Variants in KCNIP4 observed in about 807,000 individuals in gnomAD.
The protein encoded by KCNIP4 is potassium voltage-gated channel interacting protein 4, also known as Kv channel-interacting protein 4.
Under a neutral mutation model 34.0 loss-of-function variants are expected in KCNIP4, and 12 were observed. The ratio of observed to expected loss-of-function variants is 0.35; its 90% CI spans 0.23 to 0.57. KCNIP4 has a LOEUF of 0.57. Ranked by LOEUF, KCNIP4 falls within the 20% of genes least tolerant of loss-of-function variation. The pLI is 0.83. For synonymous variants in KCNIP4, 124 were observed against 102.2 expected, an observed-to-expected ratio of 1.21 and a Z score of -1.29; for missense variants, 238 against 311.7, an observed-to-expected ratio of 0.76 and a Z score of 1.78.
At chr4:21,840,520 C>T (rs895068612) in intron 1 of KCNIP4, among the ~76,000 whole-genome samples, 4 of 152,118 alleles carry the variant, frequency 2.6e-5, no homozygotes, top group Non-Finnish European at 5.9e-5. Flanking sequence ...AGATGGTGCA[C>T]ATCTGTGTTT....
chr4:20,945,531 A>G (rs946325358), intron 1 of KCNIP4, among the ~76,000 whole-genome samples: 1 of 152,210 alleles, frequency 6.6e-6, no homozygotes, highest in Non-Finnish European at 1.5e-5. Flanking sequence ...ATGCAAACAA[A>G]TATGTCTACT....
intron 3 of KCNIP4, among the ~76,000 whole-genome samples, chr4:20,802,111 G>T (rs1350426079): frequency 8.3e-6 from 1 of 120,964 alleles, no homozygotes; most frequent in African/African-American, 3.9e-5. Context: ...ATATATATAT[G>T]CTATATATAT....
At chr4:21,373,429 G>A (rs953786562) in intron 1 of KCNIP4, among the ~76,000 whole-genome samples, 1 of 147,538 alleles carries the variant, frequency 6.8e-6, no homozygotes, top group South Asian at 2.1e-4. Context: ...CAACTAAAAA[G>A]GTCTGAGAGA....
chr4:21,059,139 T>A (rs753503524), intron 1 of KCNIP4, among the ~76,000 whole-genome samples: 97 of 152,270 alleles, frequency 6.4e-4, no homozygotes, highest in Middle Eastern at 3.4e-3. Flanking sequence ...CTTTTCTTTA[T>A]AAATTACCTA....
chr4:21,504,475 A>AAAAGAAAGAAAGAAAGAAAGAAAG (rs71191514), intron 1 of KCNIP4, among the ~76,000 whole-genome samples: 4 of 101,880 alleles, frequency 3.9e-5, no homozygotes, highest in African/African-American at 1.6e-4. Flanking sequence ...CAAAAAAAAA[A>AAAAGAAAGAAAGAAAGAAAGAAAG]AAAGAAAGAA....
At chr4:21,944,324 A>T (rs1730370985) in intron 1 of KCNIP4, among the ~76,000 whole-genome samples, 1 of 151,994 alleles carries the variant, frequency 6.6e-6, no homozygotes, top group African/African-American at 2.4e-5. Context: ...CAGGAGGATC[A>T]CTTGAGGTCA....
chr4:20,875,165 C>T (rs564270629), intron 2 of KCNIP4, among the ~76,000 whole-genome samples: 17 of 151,668 alleles, frequency 1.1e-4, no homozygotes, highest in South Asian at 2.1e-4. Flanking sequence ...CTGTGTATGA[C>T]GGTCCCATGT....
chr4:21,934,986 C>T (rs1482466658), intron 1 of KCNIP4, among the ~76,000 whole-genome samples: 1 of 152,112 alleles, frequency 6.6e-6, no homozygotes, highest in Admixed American at 6.5e-5. Context: ...AACACACACA[C>T]AATTTCTTTC....
chr4:21,031,522 T>C (rs768098952), intron 1 of KCNIP4, among the ~76,000 whole-genome samples: 2 of 152,210 alleles, frequency 1.3e-5, no homozygotes, highest in Admixed American at 6.5e-5. Flanking sequence ...AATGCTGTTA[T>C]ACTGTGACAT....
chr4:20,886,292 G>A lies in KCNIP4; in HGVS notation c.62-3583C>T, dbSNP rs143884745. 2.5e-4 allele frequency among the ~76,000 whole-genome samples: 38 copies of A among 152,304 alleles called. No individual in the cohort carries two copies. The East Asian group carries it at 6.4e-3, about 26-fold the overall frequency. ...ATGCCCTGGCTCGCCCCTGCCTGGT[G>A]ACATGTTCCTTCCATAGTTCAGGGA... On this transcript the variant is annotated intron_variant, in intron 1 of 8. Coordinates refer to ENST00000382152, the MANE Select transcript of KCNIP4 (RefSeq NM_025221.6).
chr4:21,887,358 G>A (rs1346355228), intron 1 of KCNIP4, among the ~76,000 whole-genome samples: 1 of 152,070 alleles, frequency 6.6e-6, no homozygotes, highest in Non-Finnish European at 1.5e-5. Flanking sequence ...GGCGCAGAAA[G>A]AGTTAGCTCT....
chr4:21,936,433 A>G (rs1729865743), intron 1 of KCNIP4, among the ~76,000 whole-genome samples: 2 of 151,940 alleles, frequency 1.3e-5, no homozygotes, highest in Non-Finnish European at 1.5e-5. Context: ...AGTCAATTAA[A>G]CCTCTTTCCT....
chr4:21,641,105 G>A (rs1292233578), intron 1 of KCNIP4, among the ~76,000 whole-genome samples: 1 of 152,224 alleles, frequency 6.6e-6, no homozygotes, highest in Non-Finnish European at 1.5e-5. Flanking sequence ...AAAGTTGGCT[G>A]TACACAACAG....
intron 1 of KCNIP4, among the ~76,000 whole-genome samples, chr4:21,883,278 T>C (rs983974643): frequency 6.6e-6 from 1 of 151,350 alleles, no homozygotes; most frequent in African/African-American, 2.4e-5. Context: ...CCCAAGTAGC[T>C]AGAACTGTAG....
chr4:21,576,889 C>T (rs1740778451), intron 1 of KCNIP4, among the ~76,000 whole-genome samples: 1 of 151,926 alleles, frequency 6.6e-6, no homozygotes, highest in Non-Finnish European at 1.5e-5. Flanking sequence ...TTTATTTTTA[C>T]TTTGTGATTG....
intron 1 of KCNIP4, among the ~76,000 whole-genome samples, chr4:20,989,813 G>A (rs1273755836): frequency 6.6e-6 from 1 of 151,998 alleles, no homozygotes; most frequent in East Asian, 1.9e-4. Context: ...TACAAAAATT[G>A]CAAAAGTTAG....
rs557259715 is a variant in KCNIP4, at chr4:21,445,283, C to G, written c.61+503288G>C. On this transcript the variant is annotated intron_variant, in intron 1 of 8. Coordinates refer to ENST00000382152, the MANE Select transcript of KCNIP4 (RefSeq NM_025221.6). ...AATTGGAAAAAACTACTTTAAAGTT[C>G]ATATGGAACCAAAAAAGAGCCTGCA... Among the ~76,000 whole-genome samples, 5 of 152,248 alleles carry G rather than the reference C, an allele frequency of 3.3e-5. No individual in the cohort carries two copies. In the South Asian group the frequency reaches 1.0e-3, roughly 32 times the overall value.
At chr4:21,219,426 T>G (rs1757832398) in intron 1 of KCNIP4, among the ~76,000 whole-genome samples, 1 of 152,180 alleles carries the variant, frequency 6.6e-6, no homozygotes, top group Admixed American at 6.5e-5. Flanking sequence ...GATATTTGCT[T>G]TCACTGTAAC....
In KCNIP4 at chr4:20,729,829, A is replaced by ATTAC. The variant is rs1560395569; in HGVS notation, c.*249_*252dup. On this transcript the variant is annotated 3_prime_UTR_variant, in exon 9 of 9. Transcript: ENST00000382152. Reference sequence around the variant, plus strand: ...CCAATAAAACTATATGCCAGATTCTATTACTTTTGAATATTCACAGAGTAT... The same window carrying ATTAC: ...CCAATAAAACTATATGCCAGATTCTATTACTTACTTTTGAATATTCACAGAGTAT... 1 of 365,746 alleles carries ATTAC rather than the reference A, an allele frequency of 2.7e-6. No homozygotes were observed. The highest frequency in any genetic ancestry group is 2.1e-5 in the African/African-American group (1 of 47,604). The allele number at this position is 365,746 out of a possible 1,614,324, so 22.7% of individuals were successfully genotyped here.
Sources: gnomAD v4.1 joint callset for allele counts (sites outside exome capture counted in the v4.1 genomes callset) on GRCh38, gnomAD v4.1.1 for gene constraint, MANE v1.5 for transcripts, NCBI Gene and HGNC (gene_info 2026-07-23, HGNC 2026-07-21) for gene names.